The following RIT2 variants were observed in gnomAD, a reference collection of about 807,000 sequenced individuals.
RIT2 encodes Ras like without CAAX 2, also known as GTP-binding protein Rit2.
Under a neutral mutation model 23.7 loss-of-function variants are expected in RIT2, and 24 were observed. That is an observed-to-expected ratio of 1.01 (90% CI 0.73 to 1.43). The LOEUF (loss-of-function observed/expected upper bound fraction) is 1.43, where lower values mean the gene tolerates loss of function less well. Among genes scored for constraint, RIT2 ranks in the 40% most tolerant of loss-of-function variants. The pLI is 0.00. For synonymous variants in RIT2, 107 were observed against 91.1 expected, an observed-to-expected ratio of 1.17 and a Z score of -0.99; for missense variants, 236 against 266.9, an observed-to-expected ratio of 0.88 and a Z score of 0.81.
At chr18:42,759,599 G>T (rs1913248724) in intron 4 of RIT2, among the ~76,000 whole-genome samples, 1 of 151,712 alleles carries the variant, frequency 6.6e-6, no homozygotes, top group African/African-American at 2.4e-5. Context: ...AATCAGGCTT[G>T]CATTGAGATA....
intron 4 of RIT2, among the ~76,000 whole-genome samples, chr18:42,744,097 T>C (rs796991898): frequency 1.2e-4 from 18 of 152,242 alleles, no homozygotes; most frequent in African/African-American, 4.3e-4. Flanking sequence ...CTGAGCACCT[T>C]GTGACCCCCA....
chr18:42,887,453 C>T (rs928540536), intron 4 of RIT2, among the ~76,000 whole-genome samples: 13 of 152,094 alleles, frequency 8.5e-5, no homozygotes, highest in African/African-American at 3.1e-4. Context: ...GGTAATGTAT[C>T]ACTCCATACA....
At chr18:42,783,311 A>G (rs975358924) in intron 4 of RIT2, among the ~76,000 whole-genome samples, 5 of 152,084 alleles carry the variant, frequency 3.3e-5, no homozygotes, top group Non-Finnish European at 5.9e-5. Context: ...GGACAGGCAG[A>G]AAGTGGTGAT....
intron 2 of RIT2, among the ~76,000 whole-genome samples, chr18:43,022,858 C>T (rs891093696): frequency 6.6e-6 from 1 of 151,980 alleles, no homozygotes; most frequent in Non-Finnish European, 1.5e-5. Flanking sequence ...AACTCAACAG[C>T]GATAAGATTA....
chr18:43,090,690 A>C (rs1057360656), intron 1 of RIT2, among the ~76,000 whole-genome samples: 15 of 152,284 alleles, frequency 9.9e-5, no homozygotes, highest in Middle Eastern at 3.4e-3. Flanking sequence ...GCAGCCAAAA[A>C]AAGAATAAAA....
At chr18:42,907,229 A>G (rs768793666) in intron 4 of RIT2, among the ~76,000 whole-genome samples, 7 of 152,188 alleles carry the variant, frequency 4.6e-5, no homozygotes, top group Non-Finnish European at 8.8e-5. Flanking sequence ...CATAAGGAAA[A>G]TCACTGACAA....
At position 42,743,509 on chromosome 18, in the gene RIT2, CT is replaced by C. The variant is rs1912841699; in HGVS notation, c.637del (p.Arg213GlufsTer4). 6.2e-7 allele frequency: 1 copy of C among 1,612,188 alleles called. No individual in the cohort carries two copies. The highest frequency in any genetic ancestry group is 1.3e-5 in the African/African-American group (1 of 74,952). ...GCAAAGATATCATGTCATATTTTCT[CT>C]CTTCTTCTTCAAAGAACCTTTGAGC... ...KKLKGSLKKK[R>X]ENMT On this transcript the variant is annotated frameshift_variant, in exon 5 of 5. Coordinates refer to ENST00000326695, the MANE Select transcript of RIT2 (RefSeq NM_002930.4). LOFTEE classifies it high-confidence loss of function.
chr18:43,034,879 C>T (rs1911939885), intron 1 of RIT2, among the ~76,000 whole-genome samples: 1 of 152,158 alleles, frequency 6.6e-6, no homozygotes, highest in South Asian at 2.1e-4. Flanking sequence ...AGGAATTTTC[C>T]ATGCACAGGT....
intron 4 of RIT2, among the ~76,000 whole-genome samples, chr18:42,858,230 G>T (rs1179899907): frequency 1.3e-5 from 2 of 152,144 alleles, no homozygotes; most frequent in East Asian, 3.9e-4. Context: ...AGTTCAAGCA[G>T]AGTTGCTCTT....
chr18:42,896,550 C>A (rs560797871), intron 4 of RIT2, among the ~76,000 whole-genome samples: 1 of 152,256 alleles, frequency 6.6e-6, no homozygotes, highest in African/African-American at 2.4e-5. Context: ...TGTTCCCCTG[C>A]CCACTCTCTC....
chr18:42,853,610 T>G (rs939204716), intron 4 of RIT2, among the ~76,000 whole-genome samples: 2 of 152,214 alleles, frequency 1.3e-5, no homozygotes, highest in African/African-American at 4.8e-5. Context: ...GCTTCTTTAC[T>G]CATATTTTAA....
At chr18:42,787,248 C>A (rs543831601) in intron 4 of RIT2, among the ~76,000 whole-genome samples, 1 of 149,420 alleles carries the variant, frequency 6.7e-6, no homozygotes. Context: ...TTTGTCCTTG[C>A]GATAGTTTGC....
intron 2 of RIT2, among the ~76,000 whole-genome samples, chr18:42,982,916 T>C (rs1374636311): frequency 2.0e-5 from 3 of 152,116 alleles, no homozygotes; most frequent in East Asian, 3.8e-4. Flanking sequence ...ATTTATGTCA[T>C]GATTTAACAA....
chr18:42,910,649 T>C (rs1908745592), intron 4 of RIT2, among the ~76,000 whole-genome samples: 1 of 152,010 alleles, frequency 6.6e-6, no homozygotes, highest in Non-Finnish European at 1.5e-5. Context: ...CACCTGAATG[T>C]TGAGAGGAGT....
At chr18:42,758,339 GT>G in intron 4 of RIT2, among the ~76,000 whole-genome samples, 1 of 151,984 alleles carries the variant, frequency 6.6e-6, no homozygotes, top group Non-Finnish European at 1.5e-5. Flanking sequence ...TTCTAACATG[GT>G]TTTGCAAAAG....
intron 1 of RIT2, among the ~76,000 whole-genome samples, chr18:43,055,402 G>C (rs1198739541): frequency 6.6e-6 from 1 of 152,042 alleles, no homozygotes; most frequent in Non-Finnish European, 1.5e-5. Context: ...GTGGGTGCGT[G>C]ACAACTCTGT....
intron 4 of RIT2, among the ~76,000 whole-genome samples, chr18:42,901,497 T>C (rs1908475201): frequency 1.3e-5 from 2 of 151,998 alleles, no homozygotes; most frequent in Admixed American, 6.6e-5. Flanking sequence ...AAGCAAAAAT[T>C]AGAATTTTGG....
rs778477876 is a variant in RIT2, at chr18:42,905,015, G to T, written c.426+18557C>A. On this transcript the variant is annotated intron_variant, in intron 4 of 4. Coordinates refer to ENST00000326695, the MANE Select transcript of RIT2 (RefSeq NM_002930.4). ...ATACATAAATTAGTGCAATTGTTTT[G>T]GAATAAAATTTGTCAATAATCTGTA... Among the ~76,000 whole-genome samples the T allele has an allele frequency of 3.5e-4, 54 of 152,204 alleles. No individual in the cohort carries two copies. In the Middle Eastern group the frequency reaches 0.014, roughly 38 times the overall value.
intron 1 of RIT2, among the ~76,000 whole-genome samples, chr18:43,047,532 A>T (rs934937933): frequency 2.6e-5 from 4 of 152,178 alleles, no homozygotes; most frequent in African/African-American, 9.6e-5. Flanking sequence ...ACTTAAATGT[A>T]ATGCTTGCAT....
Sources: gnomAD v4.1 joint callset for allele counts (sites outside exome capture counted in the v4.1 genomes callset) on GRCh38, gnomAD v4.1.1 for gene constraint, MANE v1.5 for transcripts, NCBI Gene and HGNC (gene_info 2026-07-23, HGNC 2026-07-21) for gene names.